The following TAF12 variants were observed in gnomAD, a reference collection of about 807,000 sequenced individuals.
TAF12 encodes transcription initiation factor TFIID subunit 12.
A neutral mutation model predicts 20.8 loss-of-function variants in TAF12; 3 were observed. The observed-to-expected ratio is 0.14, with a 90% CI of 0.07 to 0.37. TAF12 has a LOEUF of 0.37. Ranked by LOEUF, TAF12 falls within the 10% of genes least tolerant of loss-of-function variation. TAF12 has a pLI of 1.00. For missense variants in TAF12, 131 were observed against 197.9 expected, an observed-to-expected ratio of 0.66 and a Z score of 2.03; for synonymous variants, 69 against 70.2, an observed-to-expected ratio of 0.98 and a Z score of 0.09.
At chr1:28,645,930 T>C (rs2124401883), upstream of TAF12, among the ~76,000 whole-genome samples, 1 of 150,542 alleles carries the variant, frequency 6.6e-6, no homozygotes, top group Middle Eastern at 3.4e-3. Context: ...ATCGTGCCAC[T>C]GCACTCCAAC....
At chr1:28,633,945 T>A (rs1374577235) in intron 1 of TAF12, among the ~76,000 whole-genome samples, 1 of 143,460 alleles carries the variant, frequency 7.0e-6, no homozygotes, top group East Asian at 2.1e-4. Flanking sequence ...TAGCCAGGTG[T>A]GGTGGCGCGT....
At chr1:28,638,636 C>T (rs1248744915) in intron 1 of TAF12, among the ~76,000 whole-genome samples, 2 of 148,646 alleles carry the variant, frequency 1.3e-5, no homozygotes, top group Non-Finnish European at 3.0e-5. Flanking sequence ...TAAGCACACG[C>T]CACTATGTCC....
chr1:28,647,871 C>T (rs1041793589), upstream of TAF12, among the ~76,000 whole-genome samples: 24 of 60,552 alleles, frequency 4.0e-4, no homozygotes, highest in African/African-American at 1.2e-3. Context: ...GAGACTCCGT[C>T]TCAAAAAAAA....
At chr1:28,613,934 C>G (rs1666947740) in intron 3 of TAF12, among the ~76,000 whole-genome samples, 1 of 152,090 alleles carries the variant, frequency 6.6e-6, no homozygotes, top group Non-Finnish European at 1.5e-5. Flanking sequence ...TTGCAAGAGC[C>G]CCATCTGTAT....
chr1:28,603,500 C>G lies in TAF12; in HGVS notation c.*39G>C, dbSNP rs1338906915. 6.2e-7 allele frequency: 1 copy of G among 1,611,678 alleles called. No homozygotes were observed. Among genetic ancestry groups the G allele is most frequent in the East Asian group, 2.2e-5 (1 of 44,878 alleles). On this transcript the variant is annotated 3_prime_UTR_variant, in exon 6 of 6. Transcript: ENST00000373824. ...GGCTGAGTTCTCAGCTCAAGTATCT[C>G]CAAATACATTGCTGTCCATTCCCTG...
At chr1:28,638,087 G>T (rs1215701362) in intron 1 of TAF12, among the ~76,000 whole-genome samples, 2 of 152,016 alleles carry the variant, frequency 1.3e-5, no homozygotes, top group African/African-American at 4.8e-5. Context: ...TGCAACCTCT[G>T]CCTCCTGGGT....
At chr1:28,628,411 GA>G (rs1667507331) in intron 1 of TAF12, among the ~76,000 whole-genome samples, 1 of 151,858 alleles carries the variant, frequency 6.6e-6, no homozygotes, top group Non-Finnish European at 1.5e-5. Context: ...CATATTGTAC[GA>G]TTACATTTAT....
chr1:28,634,039 C>T (rs933838747), intron 1 of TAF12, among the ~76,000 whole-genome samples: 4 of 151,178 alleles, frequency 2.6e-5, no homozygotes, highest in Admixed American at 6.6e-5. Context: ...GCCGAGATTG[C>T]GCCACTGCAA....
intron 4 of TAF12, among the ~76,000 whole-genome samples, chr1:28,611,880 T>G (rs996384165): frequency 1.3e-5 from 2 of 152,182 alleles, no homozygotes; most frequent in Non-Finnish European, 1.5e-5. Flanking sequence ...TAAAACTAGC[T>G]GAGCCCAGTC....
At chr1:28,631,248 A>G (rs1054183268) in intron 1 of TAF12, among the ~76,000 whole-genome samples, 12 of 151,248 alleles carry the variant, frequency 7.9e-5, no homozygotes, top group Non-Finnish European at 1.8e-4. Flanking sequence ...TCGGCCAGGC[A>G]TGGTGGCTCA....
At chr1:28,631,156 A>C (rs995874841) in intron 1 of TAF12, among the ~76,000 whole-genome samples, 2 of 152,074 alleles carry the variant, frequency 1.3e-5, no homozygotes, top group African/African-American at 4.8e-5. Flanking sequence ...TTCAGTGCAA[A>C]GGCTTGTGGG....
At chr1:28,642,561 T>G in intron 1 of TAF12, 1 of 887,458 alleles carries the variant, frequency 1.1e-6, no homozygotes, top group African/African-American at 1.8e-5. Context: ...AACCTAAGTC[T>G]TCGCTGCCCC....
chr1:28,605,353 G>A lies in TAF12; in HGVS notation c.450+19C>T. 6.2e-7 allele frequency: 1 copy of A among 1,613,710 alleles called. No individual in the cohort carries two copies. The highest frequency in any genetic ancestry group is 1.3e-5 in the African/African-American group (1 of 74,994). Reference sequence around the variant, plus strand: ...AGGAATCAGCCCTGGCTGTCCCCAGGGCTCTGGCATTTCCTCACCTGTTTG... The same window carrying A: ...AGGAATCAGCCCTGGCTGTCCCCAGAGCTCTGGCATTTCCTCACCTGTTTG... On this transcript the variant is annotated intron_variant, in intron 5 of 5. Coordinates refer to ENST00000373824, the MANE Select transcript of TAF12 (RefSeq NM_005644.4).
chr1:28,625,172 T>C (rs1422419208), intron 1 of TAF12, among the ~76,000 whole-genome samples: 1 of 152,232 alleles, frequency 6.6e-6, no homozygotes, highest in Non-Finnish European at 1.5e-5. Context: ...ACTTCCCAAA[T>C]AATACTGAGT....
At chr1:28,610,683 C>T (rs1391441296) in intron 4 of TAF12, among the ~76,000 whole-genome samples, 2 of 151,502 alleles carry the variant, frequency 1.3e-5, no homozygotes, top group South Asian at 2.1e-4. Flanking sequence ...TGGAGTCAGC[C>T]GGGCATGGTG....
intron 1 of TAF12, among the ~76,000 whole-genome samples, chr1:28,641,966 C>T (rs1557477478): frequency 6.6e-6 from 1 of 152,072 alleles, no homozygotes; most frequent in East Asian, 1.9e-4. Flanking sequence ...CCTCTTTGAA[C>T]CTTAGCCTTC....
At chr1:28,629,830 G>A (rs1667559788) in intron 1 of TAF12, among the ~76,000 whole-genome samples, 1 of 152,122 alleles carries the variant, frequency 6.6e-6, no homozygotes, top group African/African-American at 2.4e-5. Flanking sequence ...TTAAAACACG[G>A]TGTCTTGCTA....
At chr1:28,609,284 C>G (rs1009850858) in intron 4 of TAF12, among the ~76,000 whole-genome samples, 4 of 151,974 alleles carry the variant, frequency 2.6e-5, no homozygotes, top group African/African-American at 4.8e-5. Context: ...CCACGTTGGT[C>G]AGGCTGGTCT....
intron 2 of TAF12, among the ~76,000 whole-genome samples, chr1:28,618,776 T>C (rs1235314851): frequency 6.6e-6 from 1 of 152,170 alleles, no homozygotes; most frequent in African/African-American, 2.4e-5. Flanking sequence ...GTGTACCCTT[T>C]ATCATTGTGC....
Sources: gnomAD v4.1 joint callset for allele counts (sites outside exome capture counted in the v4.1 genomes callset) on GRCh38, gnomAD v4.1.1 for gene constraint, MANE v1.5 for transcripts, NCBI Gene and HGNC (gene_info 2026-07-23, HGNC 2026-07-21) for gene names.